Variants in KCNN1 observed in about 807,000 individuals in gnomAD.
KCNN1 encodes small conductance calcium-activated potassium channel protein 1.
Under a neutral mutation model 44.7 loss-of-function variants are expected in KCNN1, and 20 were observed. The ratio of observed to expected loss-of-function variants is 0.45; its 90% CI spans 0.32 to 0.65. The LOEUF is 0.65. KCNN1 is among the 30% of genes least tolerant of loss of function. The pLI is 0.05. For missense variants in KCNN1, 632 were observed against 785.3 expected, an observed-to-expected ratio of 0.80 and a Z score of 2.33; for synonymous variants, 324 against 341.7, an observed-to-expected ratio of 0.95 and a Z score of 0.57.
chr19:17,990,012 G>A, intron 7 of KCNN1, 169 bp downstream of exon 7: 1 of 861,400 alleles, frequency 1.2e-6, no homozygotes, highest in South Asian at 1.4e-5. Context: ...GAGGGAGGCA[G>A]ATGATGGGGT....
chr19:17,993,137 C>A lies in KCNN1; in HGVS notation c.1307+75C>A, dbSNP rs377107205. On this transcript the variant is annotated intron_variant, in intron 8 of 9. Transcript: ENST00000684775. This position sits in a 1 kb window ranked among gnomAD's most constrained non-coding sequence, Gnocchi z 4.5. ...GGTGGTCACAGACAGGGGGTACACC[C>A]GGGGCATGCCAACCCCAGCCTCAGA... The A allele has an allele frequency of 3.4e-4, 526 of 1,563,226 alleles. 2 individuals are homozygous for A. In the African/African-American group the frequency reaches 6.7e-3, roughly 20 times the overall value.
chr19:17,963,099 C>T (rs1003353307), upstream of KCNN1, among the ~76,000 whole-genome samples: 5 of 149,544 alleles, frequency 3.3e-5, no homozygotes, highest in Non-Finnish European at 5.9e-5. Flanking sequence ...GCTCCGCCTC[C>T]TGGGTTCACG....
intron 6 of KCNN1, among the ~76,000 whole-genome samples, chr19:17,989,011 C>T (rs1398013067): frequency 1.3e-5 from 2 of 152,120 alleles, no homozygotes; most frequent in African/African-American, 2.4e-5. Context: ...TGCCCAGTCA[C>T]GTCCAGCCAT....
At chr19:17,978,029 T>C (rs2032263191) in intron 3 of KCNN1, among the ~76,000 whole-genome samples, 1 of 152,056 alleles carries the variant, frequency 6.6e-6, no homozygotes, top group African/African-American at 2.4e-5. Context: ...GATGGAAGTG[T>C]TCTGAAATTA....
At position 17,974,003 on chromosome 19, in the gene KCNN1, A is replaced by G; in HGVS notation, c.115A>G (p.Ser39Gly). ...CGGCCACCCCCCACAACCCCCGCAC[A>G]GCCCGGGCCTCCAGGTGGTAGTGGC... is the stretch of plus-strand genomic sequence containing the variant. ...EAGHPPQPPH[S>G]PGLQVVVAKS... Residue 39 changes from serine to glycine, a missense_variant, in exon 2 of 10, where the codon AGC becomes GGC. Physicochemically the swap from Ser to Gly is moderately conservative, Grantham distance 56. Transcript: ENST00000684775. The surrounding 1 kb of genome is among the most constrained non-coding windows in gnomAD (Gnocchi z 7.3). 1 of 1,593,424 alleles carries G rather than the reference A, an allele frequency of 6.3e-7. No homozygotes were observed. Among genetic ancestry groups the G allele is most frequent in the Non-Finnish European group, 8.5e-7 (1 of 1,171,368 alleles).
At chr19:17,966,029 CTT>C (rs1329585331), upstream of KCNN1, among the ~76,000 whole-genome samples, 2 of 18,250 alleles carry the variant, frequency 1.1e-4, no homozygotes, top group Non-Finnish European at 2.7e-4. Flanking sequence ...GCCTGCCTTC[CTT>C]CCTTCCTTCC....
chr19:17,978,412 A>C (rs1599361309), intron 3 of KCNN1, among the ~76,000 whole-genome samples: 1 of 139,770 alleles, frequency 7.2e-6, no homozygotes, highest in East Asian at 2.1e-4. Flanking sequence ...GGCATGAGCC[A>C]CTGCCCAGCC....
chr19:17,967,393 C>T (rs1940789419), intron 1 of KCNN1, 76 bp downstream of exon 1: 1 of 823,104 alleles, frequency 1.2e-6, no homozygotes, highest in Non-Finnish European at 1.5e-6. Context: ...GGAGGCACGT[C>T]TCGGAGGGGG....
At chr19:17,982,291 T>C (rs1326479923) in intron 4 of KCNN1, among the ~76,000 whole-genome samples, 164 bp downstream of exon 4, 1 of 152,018 alleles carries the variant, frequency 6.6e-6, no homozygotes, top group Non-Finnish European at 1.5e-5. Context: ...TTCCAGTTTG[T>C]GGCTTCAGTA....
chr19:17,968,826 T>C (rs1250949240), intron 1 of KCNN1, among the ~76,000 whole-genome samples: 3 of 152,060 alleles, frequency 2.0e-5, no homozygotes, highest in Admixed American at 6.6e-5. Context: ...TAAGGCAATA[T>C]CAAAGACCTT....
At chr19:17,971,892 G>T (rs1185998056) in intron 1 of KCNN1, 1 of 152,008 alleles carries the variant, frequency 6.6e-6, no homozygotes, top group South Asian at 2.1e-4. Flanking sequence ...GCCTGGGACC[G>T]GGCACAGTGG....
intron 9 of KCNN1, among the ~76,000 whole-genome samples, chr19:17,994,350 G>C (rs771881401): frequency 6.6e-6 from 1 of 151,774 alleles, no homozygotes; most frequent in African/African-American, 2.4e-5. Flanking sequence ...GGGAGGCTGA[G>C]GCGGGAGAAT....
At chr19:17,965,462 C>T (rs2031778264), upstream of KCNN1, among the ~76,000 whole-genome samples, 1 of 151,808 alleles carries the variant, frequency 6.6e-6, no homozygotes, top group Admixed American at 6.6e-5. Flanking sequence ...CTGTGGGTGG[C>T]TCCAATGTTG....
Position 17,998,706 on chromosome 19 carries a change from T to C in KCNN1, c.*300T>C. Reference sequence around the variant, plus strand: ...GGTTCTGAATAAAGCAGGACCCGCCTAGTGGCTGCCTGTGTGCATGGCTGG... The same window carrying C: ...GGTTCTGAATAAAGCAGGACCCGCCCAGTGGCTGCCTGTGTGCATGGCTGG... On this transcript the variant is annotated 3_prime_UTR_variant, in exon 10 of 10. Coordinates refer to ENST00000684775, the MANE Select transcript of KCNN1 (RefSeq NM_001386974.1). This position sits in a 1 kb window ranked among gnomAD's most constrained non-coding sequence, Gnocchi z 5.4. The C allele has an allele frequency of 3.1e-6, 1 of 321,814 alleles. No individual in the cohort carries two copies. The highest frequency in any genetic ancestry group is 5.7e-6 in the Non-Finnish European group (1 of 176,022). The allele number at this position is 321,814 out of a possible 1,614,324, so 19.9% of individuals were successfully genotyped here.
intron 3 of KCNN1, among the ~76,000 whole-genome samples, chr19:17,981,378 C>G (rs972271177): frequency 3.3e-5 from 5 of 151,780 alleles, no homozygotes; most frequent in Non-Finnish European, 5.9e-5. Context: ...ATGATGAAAC[C>G]CCATCTCTAC....
At chr19:17,952,636 C>T (rs918775465) in intron 1 of KCNN1, among the ~76,000 whole-genome samples, 5 of 152,264 alleles carry the variant, frequency 3.3e-5, no homozygotes, top group African/African-American at 1.2e-4. Context: ...CACGCCTGCA[C>T]CCTCCTCAGT....
Position 17,999,751 on chromosome 19 carries a change from C to T in KCNN1, c.*1345C>T. ...GGAGGCCTGGCTCCTGGGGAGACGACGCTGTGCATAGCCGAGGAGCCCCAG... is the reference window on the plus strand; with the variant it reads ...GGAGGCCTGGCTCCTGGGGAGACGATGCTGTGCATAGCCGAGGAGCCCCAG... On this transcript the variant is annotated 3_prime_UTR_variant, in exon 10 of 10. Transcript: ENST00000684775. 7 of 322,592 alleles carry T rather than the reference C, an allele frequency of 2.2e-5. No individual in the cohort carries two copies. Among genetic ancestry groups the T allele is most frequent in the East Asian group, 7.8e-5 (1 of 12,872 alleles). 20.0% of individuals were successfully genotyped at this position (322,592 alleles called of 1,614,324 possible). A position where few individuals can be genotyped will look rare whatever the true frequency, so the allele number is the denominator to read the frequency against.
At chr19:17,951,948 G>T (rs2031420515) in intron 1 of KCNN1, among the ~76,000 whole-genome samples, 1 of 152,232 alleles carries the variant, frequency 6.6e-6, no homozygotes, top group Non-Finnish European at 1.5e-5. Flanking sequence ...CAGTTTCCCC[G>T]TCTGTAAGAT....
intron 2 of KCNN1, among the ~76,000 whole-genome samples, chr19:17,961,050 G>A (rs1191908182): frequency 2.0e-5 from 3 of 151,814 alleles, no homozygotes; most frequent in Non-Finnish European, 4.4e-5. Flanking sequence ...GCCGGCTGTG[G>A]TGGTGCGCGT....
Sources: allele counts gnomAD v4.1 joint callset (sites outside exome capture counted in the v4.1 genomes callset), GRCh38; gene constraint gnomAD v4.1.1; non-coding constraint Gnocchi (gnomAD v3.1); transcripts MANE v1.5; gene names NCBI Gene and HGNC (gene_info 2026-07-23, HGNC 2026-07-21).